Variants in SV2B observed in about 807,000 individuals in gnomAD.
SV2B encodes the protein solute carrier family 22 member B2.
Under a neutral mutation model 73.9 loss-of-function variants are expected in SV2B, and 41 were observed. The observed-to-expected ratio is 0.56, with a 90% CI of 0.43 to 0.72. The LOEUF (loss-of-function observed/expected upper bound fraction) is 0.72, where lower values mean the gene tolerates loss of function less well. SV2B is among the 30% of genes least tolerant of loss of function. The pLI is 0.00. For synonymous variants in SV2B, 314 were observed against 314.2 expected (o/e 1.00, Z 0.01); for missense variants, 764 against 857.8 (o/e 0.89, Z 1.37).
intron 1 of SV2B, among the ~76,000 whole-genome samples, chr15:91,221,965 C>T (rs764936235): frequency 7.9e-5 from 12 of 152,172 alleles, no homozygotes; most frequent in Non-Finnish European, 1.5e-4. Flanking sequence ...ACCTCCCACT[C>T]TTGGATCAAC....
chr15:91,160,682 G>A (rs1270485980), intron 1 of SV2B, among the ~76,000 whole-genome samples: 1 of 152,080 alleles, frequency 6.6e-6, no homozygotes, highest in Non-Finnish European at 1.5e-5. Context: ...CAAATAATCG[G>A]TGGACTTCAA....
At position 91,253,129 on chromosome 15, in the gene SV2B, C is replaced by G. The variant is rs554285936; in HGVS notation, c.784+609C>G. ...ATAATTGTAAACACTATTCTCTGGACAGAGACCTGGCAACATCAACTTTTA... is the reference window on the plus strand; with the variant it reads ...ATAATTGTAAACACTATTCTCTGGAGAGAGACCTGGCAACATCAACTTTTA... On this transcript the variant is annotated intron_variant, in intron 4 of 12. Coordinates refer to ENST00000394232, the MANE Select transcript of SV2B (RefSeq NM_001323032.3). This position sits in a 1 kb window ranked among gnomAD's most constrained non-coding sequence, Gnocchi z 5.0. Among the ~76,000 whole-genome samples, 17 of 152,340 alleles carry G rather than the reference C, an allele frequency of 1.1e-4. No individual in the cohort carries two copies. Among genetic ancestry groups the G allele is most frequent in the African/African-American group, 3.8e-4 (16 of 41,580 alleles).
intron 7 of SV2B, 54 bp downstream of exon 7, chr15:91,266,746 C>T: frequency 7.1e-7 from 1 of 1,404,202 alleles, no homozygotes; most frequent in Non-Finnish European, 9.9e-7. Flanking sequence ...GAGTCTCTTA[C>T]CTTAGTGGAT....
chr15:91,214,327 T>C lies in SV2B; in HGVS notation c.-391-11546T>C, dbSNP rs2045957624. Among the ~76,000 whole-genome samples the C allele has an allele frequency of 6.6e-6, 1 of 152,058 alleles. No individual in the cohort carries two copies. The highest frequency in any genetic ancestry group is 2.1e-4 in the South Asian group (1 of 4,808). On this transcript the variant is annotated intron_variant, in intron 1 of 12. Transcript: ENST00000394232. The surrounding 1 kb of genome is among the most constrained non-coding windows in gnomAD (Gnocchi z 4.7). ...TTAAGGGTCTCGTTGTCCTTTAGAG[T>C]GTGGTATGCATCTCTGCAGGAATTA...
chr15:91,290,378 G>A lies in SV2B; in HGVS notation c.1868+698G>A, dbSNP rs2049002076. Among the ~76,000 whole-genome samples, 1 of 152,210 alleles carries A rather than the reference G, an allele frequency of 6.6e-6. No homozygotes were observed. The highest frequency in any genetic ancestry group is 1.5e-5 in the Non-Finnish European group (1 of 68,042). On this transcript the variant is annotated intron_variant, in intron 12 of 12. Coordinates refer to ENST00000394232, the MANE Select transcript of SV2B (RefSeq NM_001323032.3). This position sits in a 1 kb window ranked among gnomAD's most constrained non-coding sequence, Gnocchi z 4.7. ...TTGGGATATAGATAACTAAGGAAGA[G>A]CACAACGTGTCATATTTGGAGCCCC... is the stretch of plus-strand genomic sequence containing the variant.
At chr15:91,263,241 AAC>A (rs1239090289) in intron 6 of SV2B, among the ~76,000 whole-genome samples, 3 of 141,318 alleles carry the variant, frequency 2.1e-5, no homozygotes, top group African/African-American at 8.7e-5. Context: ...GACAGAGACA[AAC>A]AGACACAGGA....
At position 91,100,858 on chromosome 15, in the gene SV2B, G is replaced by T. The variant is rs972588530; in HGVS notation, c.-392+495G>T. Among the ~76,000 whole-genome samples, 1 of 152,230 alleles carries T rather than the reference G, an allele frequency of 6.6e-6. No individual in the cohort carries two copies. The highest frequency in any genetic ancestry group is 2.4e-5 in the African/African-American group (1 of 41,460). ...TATGTGCAGGGCGCCCTCCGTGGGCGTGGGAGCCGTTTCTTAGGGACACAG... is the reference window on the plus strand; with the variant it reads ...TATGTGCAGGGCGCCCTCCGTGGGCTTGGGAGCCGTTTCTTAGGGACACAG... On this transcript the variant is annotated intron_variant, in intron 1 of 12. Transcript: ENST00000394232. This position sits in a 1 kb window ranked among gnomAD's most constrained non-coding sequence, Gnocchi z 6.4.
At chr15:91,150,837 GA>G (rs1193617679) in intron 1 of SV2B, among the ~76,000 whole-genome samples, 1 of 152,224 alleles carries the variant, frequency 6.6e-6, no homozygotes, top group Non-Finnish European at 1.5e-5. Context: ...AGAGCAGGCA[GA>G]TGCTTGTGAG....
At chr15:91,263,860 T>A (rs182166996) in intron 6 of SV2B, among the ~76,000 whole-genome samples, 41 of 152,380 alleles carry the variant, frequency 2.7e-4, no homozygotes, top group African/African-American at 9.4e-4. Context: ...CCTCCTTTCC[T>A]CTGCCTTCTC....
At chr15:91,202,434 A>G (rs572928937) in intron 1 of SV2B, among the ~76,000 whole-genome samples, 2 of 152,366 alleles carry the variant, frequency 1.3e-5, no homozygotes, top group South Asian at 2.1e-4. Flanking sequence ...TTATTTACCA[A>G]CATTGTGTCT....
intron 1 of SV2B, among the ~76,000 whole-genome samples, chr15:91,113,771 A>T (rs958026725): frequency 6.6e-6 from 1 of 152,232 alleles, no homozygotes; most frequent in Non-Finnish European, 1.5e-5. Context: ...TACAGGTTGC[A>T]TAGCCTCAGA....
intron 1 of SV2B, chr15:91,102,202 G>A (rs929622080): frequency 1.3e-5 from 2 of 152,196 alleles, no homozygotes; most frequent in African/African-American, 4.8e-5. Context: ...AGAATGAAAA[G>A]CTCTTGTGTT....
chr15:91,161,563 T>C (rs1241128226), intron 1 of SV2B, among the ~76,000 whole-genome samples: 1 of 152,212 alleles, frequency 6.6e-6, no homozygotes, highest in Non-Finnish European at 1.5e-5. Context: ...TTCTAAGCTC[T>C]TTGCACATTC....
chr15:91,100,120 G>T (rs1056950472), upstream of SV2B: 1 of 152,176 alleles, frequency 6.6e-6, no homozygotes, highest in East Asian at 1.9e-4. The surrounding 1 kb of genome is among the most constrained non-coding windows in gnomAD (Gnocchi z 6.4). Context: ...ATCTGATCCC[G>T]CTGAGTAGAG....
rs2042013333 is a variant in SV2B, at chr15:91,110,762, C to T, written c.-392+10399C>T. 6.6e-6 allele frequency among the ~76,000 whole-genome samples: 1 copy of T among 152,204 alleles called. No individual in the cohort carries two copies. Among genetic ancestry groups the T allele is most frequent in the Non-Finnish European group, 1.5e-5 (1 of 68,046 alleles). On this transcript the variant is annotated intron_variant, in intron 1 of 12. Coordinates refer to ENST00000394232, the MANE Select transcript of SV2B (RefSeq NM_001323032.3). This position sits in a 1 kb window ranked among gnomAD's most constrained non-coding sequence, Gnocchi z 5.4. Reference sequence around the variant, plus strand: ...GGAGGGCTCAAGGAATTTAGTTCCACCCCTAGCACTATGACAAGTGACGAA... The same window carrying T: ...GGAGGGCTCAAGGAATTTAGTTCCATCCCTAGCACTATGACAAGTGACGAA...
Position 91,290,220 on chromosome 15 carries a change from A to G in SV2B, c.1868+540A>G, listed in dbSNP as rs2048996413. Reference sequence around the variant, plus strand: ...ACTTAGTAATTGTTTTTCTTCGTGGAGGGGAATTGTAAAGTTTAAAGGAGA... The same window carrying G: ...ACTTAGTAATTGTTTTTCTTCGTGGGGGGGAATTGTAAAGTTTAAAGGAGA... On this transcript the variant is annotated intron_variant, in intron 12 of 12. Transcript: ENST00000394232. This position sits in a 1 kb window ranked among gnomAD's most constrained non-coding sequence, Gnocchi z 4.7. Among the ~76,000 whole-genome samples, 1 of 152,172 alleles carries G rather than the reference A, an allele frequency of 6.6e-6. No individual in the cohort carries two copies. The highest frequency in any genetic ancestry group is 1.5e-5 in the Non-Finnish European group (1 of 68,030).
intron 1 of SV2B, among the ~76,000 whole-genome samples, chr15:91,134,367 A>G (rs1447891265): frequency 6.6e-6 from 1 of 152,132 alleles, no homozygotes; most frequent in African/African-American, 2.4e-5. Context: ...TCTGATAAGG[A>G]TGTTGCTACA....
chr15:91,292,280 T>A (rs755549148), intron 12 of SV2B, 89 bp from the exon 13 acceptor site: 26 of 1,343,258 alleles, frequency 1.9e-5, no homozygotes, highest in Non-Finnish European at 2.5e-5. Context: ...TGCACCCTCT[T>A]CCCCCTGCAA....
At chr15:91,151,941 G>A (rs9672495) in intron 1 of SV2B, among the ~76,000 whole-genome samples, 21,734 of 152,158 alleles carry the variant, frequency 0.14, 2,361 homozygotes, top group African/African-American at 0.3. Context: ...AGGTTATTAT[G>A]TGTGGTGTGT....
Sources: allele counts gnomAD v4.1 joint callset (sites outside exome capture counted in the v4.1 genomes callset), GRCh38; gene constraint gnomAD v4.1.1; non-coding constraint Gnocchi (gnomAD v3.1); transcripts MANE v1.5; gene names NCBI Gene and HGNC (gene_info 2026-07-23, HGNC 2026-07-21).